Variants in PARP16 observed in about 807,000 individuals in gnomAD.
The protein encoded by PARP16 is poly(ADP-ribose) polymerase family member 16, also known as protein mono-ADP-ribosyltransferase PARP16.
Under a neutral mutation model 35.0 loss-of-function variants are expected in PARP16, and 31 were observed. The observed-to-expected ratio is 0.88, with a 90% CI of 0.66 to 1.19. The LOEUF is 1.19. Among genes scored for constraint, PARP16 ranks in the 50% most tolerant of loss-of-function variants. The pLI is 0.00. For synonymous variants in PARP16, 162 were observed against 169.5 expected, an observed-to-expected ratio of 0.96 and a Z score of 0.34; for missense variants, 424 against 411.2, an observed-to-expected ratio of 1.03 and a Z score of -0.27.
chr15:65,253,443 G>A (rs1012534700), downstream of PARP16, among the ~76,000 whole-genome samples: 2 of 150,330 alleles, frequency 1.3e-5, no homozygotes, highest in African/African-American at 4.9e-5. Flanking sequence ...CCATTCTCCT[G>A]CCTCAGCCTC....
At chr15:65,256,623 G>A (rs1383046960), downstream of PARP16, among the ~76,000 whole-genome samples, 4 of 151,924 alleles carry the variant, frequency 2.6e-5, no homozygotes, top group Admixed American at 6.6e-5. Context: ...TAGCCAGGAC[G>A]GTCTCAATCT....
At chr15:65,256,057 G>C (rs943425661), downstream of PARP16, among the ~76,000 whole-genome samples, 2 of 152,176 alleles carry the variant, frequency 1.3e-5, no homozygotes, top group South Asian at 4.1e-4. Flanking sequence ...ACACTTCTCA[G>C]GTATAACCGT....
At position 65,263,146 on chromosome 15, in the gene PARP16, C is replaced by T; in HGVS notation, c.691+3G>A. On this transcript the variant is annotated splice_donor_region_variant and intron_variant, in intron 4 of 5. Coordinates refer to ENST00000649807, the MANE Select transcript of PARP16 (RefSeq NM_001316943.2). ...CCCAGGTCTGGACCAAGTGCTCACT[C>T]ACCCTTCTTCTTGGTTTGGCACTTG... 1.2e-6 allele frequency: 2 copies of T among 1,613,126 alleles called. No individual in the cohort carries two copies. Among genetic ancestry groups the T allele is most frequent in the Non-Finnish European group, 8.5e-7 (1 of 1,179,510 alleles).
downstream of PARP16, among the ~76,000 whole-genome samples, chr15:65,255,981 T>C (rs78220727): frequency 6.9e-3 from 1,055 of 152,278 alleles, 7 homozygotes; most frequent in Middle Eastern, 0.014. Flanking sequence ...ACATCTGCTA[T>C]ACTGAACTCC....
At chr15:65,269,513 A>T (rs1450687715) in intron 2 of PARP16, among the ~76,000 whole-genome samples, 1 of 152,168 alleles carries the variant, frequency 6.6e-6, no homozygotes, top group Non-Finnish European at 1.5e-5. Flanking sequence ...TTCAAATAGT[A>T]GGTCACAGAC....
chr15:65,274,358 C>G (rs2090185683), intron 1 of PARP16, among the ~76,000 whole-genome samples: 1 of 151,454 alleles, frequency 6.6e-6, no homozygotes, highest in African/African-American at 2.4e-5. Context: ...TTCAGGTGCT[C>G]AACACCAGCA....
At chr15:65,275,806 C>G (rs1368842510) in intron 1 of PARP16, among the ~76,000 whole-genome samples, 1 of 152,164 alleles carries the variant, frequency 6.6e-6, no homozygotes, top group Non-Finnish European at 1.5e-5. Flanking sequence ...CCAAAGGGCA[C>G]TCATCCCCCT....
intron 3 of PARP16, among the ~76,000 whole-genome samples, chr15:65,265,819 G>A (rs2089870199): frequency 6.6e-6 from 1 of 152,242 alleles, no homozygotes; most frequent in South Asian, 2.1e-4. Context: ...TACATAGTGG[G>A]ATCACCTGGA....
At chr15:65,231,636 C>T (rs564297428), downstream of PARP16, among the ~76,000 whole-genome samples, 14 of 151,682 alleles carry the variant, frequency 9.2e-5, no homozygotes, top group Admixed American at 8.6e-4. Flanking sequence ...TTAGTAGAGA[C>T]GGAGTTTCAC....
At chr15:65,235,767 C>T (rs1202120145) in intron 3 of PARP16, among the ~76,000 whole-genome samples, 1 of 148,926 alleles carries the variant, frequency 6.7e-6, no homozygotes, top group East Asian at 2.0e-4. Flanking sequence ...TTTAATCGCT[C>T]AACTTACCTT....
chr15:65,253,038 G>C (rs556221746), intron 2 of PARP16, among the ~76,000 whole-genome samples: 1 of 151,678 alleles, frequency 6.6e-6, no homozygotes, highest in Admixed American at 6.6e-5. Flanking sequence ...GCTGAGGTAG[G>C]AGAATCACTT....
In PARP16 at chr15:65,259,317, C is replaced by T. The variant is rs186168789; in HGVS notation, c.*90G>A. On this transcript the variant is annotated 3_prime_UTR_variant, in exon 6 of 6. Transcript: ENST00000649807. The stretch of plus-strand genomic sequence containing the variant: ...TGGTCCCCCAACTGGCCCCTAGGCT[C>T]AACCTGGCTGGACATGAGGCATAGG... 26 of 1,380,456 alleles carry T rather than the reference C, an allele frequency of 1.9e-5. No individual in the cohort carries two copies. In the Admixed American group the frequency reaches 2.6e-4, roughly 14 times the overall value. The allele number at this position is 1,380,456 out of a possible 1,614,324, so 85.5% of individuals were successfully genotyped here.
intron 1 of PARP16, among the ~76,000 whole-genome samples, chr15:65,282,030 G>T (rs541497743): frequency 6.6e-6 from 1 of 151,962 alleles, no homozygotes; most frequent in African/African-American, 2.4e-5. Context: ...GACTTTTTTT[G>T]AGACAGGGTC....
chr15:65,286,503 G>T lies in PARP16; in HGVS notation c.-77C>A. 1 of 1,191,940 alleles carries T rather than the reference G, an allele frequency of 8.4e-7. No individual in the cohort carries two copies. Among genetic ancestry groups the T allele is most frequent in the Non-Finnish European group, 1.1e-6 (1 of 902,528 alleles). The allele number at this position is 1,191,940 out of a possible 1,614,324, so 73.8% of individuals were successfully genotyped here. ...GAGCGTGCGTTCAGCGCGGGGGCTG[G>T]GCCCGCGGACAATGGGCCGTCAGGG... On this transcript the variant is annotated 5_prime_UTR_variant, in exon 1 of 6. Transcript: ENST00000649807.
downstream of PARP16, among the ~76,000 whole-genome samples, chr15:65,233,435 CA>C (rs929500824): frequency 6.6e-6 from 1 of 151,158 alleles, no homozygotes; most frequent in Non-Finnish European, 1.5e-5. Context: ...CAAACAAAAA[CA>C]AAAAATAACT....
chr15:65,266,454 C>A, intron 3 of PARP16, 108 bp downstream of exon 3: 1 of 881,774 alleles, frequency 1.1e-6, no homozygotes, highest in Non-Finnish European at 1.8e-6. Context: ...CGTTAGTAAA[C>A]CTACCCGACC....
chr15:65,253,974 C>A (rs1197577088), downstream of PARP16, among the ~76,000 whole-genome samples: 1 of 152,144 alleles, frequency 6.6e-6, no homozygotes, highest in African/African-American at 2.4e-5. Context: ...CACACCACCA[C>A]ACCCGGCTAA....
In PARP16 at chr15:65,263,270, G is replaced by C. The variant is rs758298259; in HGVS notation, c.570C>G (p.Ala190=). Residue 190 remains alanine, a synonymous_variant, in exon 4 of 6, where the codon GCC becomes GCG. Transcript: ENST00000649807. ...CATGGCCATGGGGGCTGTATATGAG[G>C]GCCAGGCTCAAGTCACTGGTGAGGT... The part of the protein sequence containing the change: ...GTYLTSDLSL[A]LIYSPHGHGW... 6.2e-7 allele frequency: 1 copy of C among 1,612,628 alleles called. No homozygotes were observed. Among genetic ancestry groups the C allele is most frequent in the South Asian group, 1.1e-5 (1 of 90,978 alleles).
At chr15:65,239,422 C>A (rs1300615175) in intron 3 of PARP16, among the ~76,000 whole-genome samples, 1 of 12,530 alleles carries the variant, frequency 8.0e-5, no homozygotes, top group African/African-American at 2.4e-4. Context: ...CAAGACTTTG[C>A]CTAAAAAAAA....
Sources: allele counts gnomAD v4.1 joint callset (sites outside exome capture counted in the v4.1 genomes callset), GRCh38; gene constraint gnomAD v4.1.1; transcripts MANE v1.5; gene names NCBI Gene and HGNC (gene_info 2026-07-23, HGNC 2026-07-21).